Variants in PPP6R2 observed in about 807,000 individuals in gnomAD.
PPP6R2 encodes the protein serine/threonine-protein phosphatase 6 regulatory subunit 2.
In PPP6R2, 62 loss-of-function variants were observed where a neutral mutation model predicts 100.2. That is an observed-to-expected ratio of 0.62 (90% CI 0.50 to 0.76). PPP6R2 has a LOEUF of 0.76. PPP6R2 is among the 30% of genes least tolerant of loss of function. The pLI, the probability that PPP6R2 is intolerant of heterozygous loss-of-function variation, is 0.00. For missense variants in PPP6R2, 1,142 were observed against 1,276.3 expected, an observed-to-expected ratio of 0.89 and a Z score of 1.60; for synonymous variants, 525 against 514.7, an observed-to-expected ratio of 1.02 and a Z score of -0.27.
the PPP6R2 span, among the ~76,000 whole-genome samples, chr22:50,337,526 G>A: frequency 7.2e-6 from 1 of 138,158 alleles, no homozygotes; most frequent in Non-Finnish European, 1.6e-5. Context: ...GTGTGCGTGT[G>A]TGTATAGTGT....
chr22:50,347,140 C>T (rs1253414805), intron 1 of PPP6R2, among the ~76,000 whole-genome samples: 1 of 151,832 alleles, frequency 6.6e-6, no homozygotes, highest in East Asian at 1.9e-4. Flanking sequence ...GTGTTAGTGC[C>T]TGTCAGATCC....
intron 18 of PPP6R2, 113 bp from the exon 19 acceptor site, chr22:50,438,486 T>C: frequency 7.0e-7 from 1 of 1,434,228 alleles, no homozygotes; most frequent in Admixed American, 2.0e-5. Flanking sequence ...CTCGTGCTCC[T>C]CTCTCGAGAC....
At chr22:50,398,194 T>C (rs928417526) in intron 3 of PPP6R2, among the ~76,000 whole-genome samples, 4 of 146,366 alleles carry the variant, frequency 2.7e-5, no homozygotes, top group Non-Finnish European at 6.0e-5. Context: ...TGGTCTGAGA[T>C]GGAGTCTCAC....
chr22:50,380,576 A>T (rs1191003048), intron 2 of PPP6R2, among the ~76,000 whole-genome samples: 1 of 138,350 alleles, frequency 7.2e-6, no homozygotes, highest in Non-Finnish European at 1.6e-5. Context: ...GGCCGGGCTG[A>T]TCTCGAACTC....
At chr22:50,342,168 C>T (rs577082437), upstream of PPP6R2, among the ~76,000 whole-genome samples, 2 of 152,176 alleles carry the variant, frequency 1.3e-5, no homozygotes, top group Non-Finnish European at 2.9e-5. Context: ...CAGCACCTCC[C>T]GCTCCTGCAA....
intron 1 of PPP6R2, among the ~76,000 whole-genome samples, chr22:50,364,716 C>T (rs1465346116): frequency 1.3e-5 from 2 of 152,106 alleles, no homozygotes; most frequent in Non-Finnish European, 2.9e-5. Context: ...GCATTCCAGT[C>T]AGAGGGTCTG....
chr22:50,395,826 C>T (rs147261066), intron 3 of PPP6R2, among the ~76,000 whole-genome samples: 2,832 of 151,784 alleles, frequency 0.019, 46 homozygotes, highest in East Asian at 0.076. Flanking sequence ...CTCGGCCTCC[C>T]AAAGTGCTGG....
upstream of PPP6R2, among the ~76,000 whole-genome samples, chr22:50,338,678 GTAGTATGT>G (rs2042331519): frequency 7.1e-6 from 1 of 139,998 alleles, no homozygotes; most frequent in African/African-American, 2.7e-5. Context: ...TGGTGTGTGT[GTAGTATGT>G]GGTGTGTGTG....
chr22:50,404,812 T>G (rs1335427719), intron 3 of PPP6R2, among the ~76,000 whole-genome samples: 1 of 152,048 alleles, frequency 6.6e-6, no homozygotes, highest in African/African-American at 2.4e-5. Context: ...ACAGGCCTGT[T>G]CTGAGACAGC....
At chr22:50,339,671 T>G, upstream of PPP6R2, among the ~76,000 whole-genome samples, 1 of 135,936 alleles carries the variant, frequency 7.4e-6, no homozygotes, top group Non-Finnish European at 1.6e-5. Context: ...ATGTTTCGAG[T>G]GTGTGTTGTG....
chr22:50,442,558 T>TTGTC (rs1209604479), intron 22 of PPP6R2, among the ~76,000 whole-genome samples: 2 of 148,504 alleles, frequency 1.3e-5, no homozygotes, highest in African/African-American at 4.8e-5. Context: ...AAATTTTTGT[T>TTGTC]TGTTTGTTTG....
intron 1 of PPP6R2, among the ~76,000 whole-genome samples, chr22:50,359,338 C>G (rs2047318185): frequency 6.6e-6 from 1 of 151,858 alleles, no homozygotes; most frequent in Non-Finnish European, 1.5e-5. Flanking sequence ...CCTGCCTCAG[C>G]CTCCCGAGCA....
intron 3 of PPP6R2, among the ~76,000 whole-genome samples, chr22:50,398,156 G>A (rs1369017197): frequency 6.6e-6 from 1 of 150,840 alleles, no homozygotes; most frequent in African/African-American, 2.4e-5. Context: ...AATATAGCGA[G>A]ACTCCATCTC....
At chr22:50,361,978 C>T (rs934683247) in intron 1 of PPP6R2, among the ~76,000 whole-genome samples, 7 of 152,176 alleles carry the variant, frequency 4.6e-5, no homozygotes, top group Non-Finnish European at 1.0e-4. Flanking sequence ...GCACATGCAG[C>T]AGGCACTTGC....
At chr22:50,390,823 AC>A (rs2055335099) in intron 2 of PPP6R2, among the ~76,000 whole-genome samples, 1 of 150,870 alleles carries the variant, frequency 6.6e-6, no homozygotes, top group African/African-American at 2.4e-5. Context: ...ACATGGTAAA[AC>A]CCCATCTCTA....
At chr22:50,363,345 G>A (rs1171586341) in intron 1 of PPP6R2, among the ~76,000 whole-genome samples, 4 of 152,300 alleles carry the variant, frequency 2.6e-5, no homozygotes, top group East Asian at 1.9e-4. Flanking sequence ...ATCAGCAGTC[G>A]GGTGACTGGG....
chr22:50,412,159 C>T (rs933033861), intron 4 of PPP6R2, among the ~76,000 whole-genome samples: 1 of 152,012 alleles, frequency 6.6e-6, no homozygotes, highest in African/African-American at 2.4e-5. Flanking sequence ...GAATATGATC[C>T]ATCGATCATT....
intron 1 of PPP6R2, among the ~76,000 whole-genome samples, chr22:50,352,604 A>G (rs2045548557): frequency 6.6e-6 from 1 of 152,070 alleles, no homozygotes; most frequent in Admixed American, 6.6e-5. Flanking sequence ...GCGTGCCTGT[A>G]GTCCCAGCTA....
intron 1 of PPP6R2, among the ~76,000 whole-genome samples, chr22:50,357,673 G>A (rs1347483410): frequency 6.6e-6 from 1 of 151,324 alleles, no homozygotes; most frequent in African/African-American, 2.4e-5. Context: ...TGTCACCCAG[G>A]TTGGAGTGCA....
Sources: allele counts gnomAD v4.1 joint callset (sites outside exome capture counted in the v4.1 genomes callset), GRCh38; gene constraint gnomAD v4.1.1; transcripts MANE v1.5; gene names NCBI Gene and HGNC (gene_info 2026-07-23, HGNC 2026-07-21).